The following AVL9 variants were observed in gnomAD, a reference collection of about 807,000 sequenced individuals.
AVL9 encodes the protein late secretory pathway protein AVL9 homolog.
Under a neutral mutation model 79.2 loss-of-function variants are expected in AVL9, and 49 were observed. That is an observed-to-expected ratio of 0.62 (90% CI 0.49 to 0.79). The LOEUF is 0.79. AVL9 is among the 30% of genes least tolerant of loss of function. AVL9 has a pLI of 0.00. For synonymous variants in AVL9, 299 were observed against 280.6 expected, an observed-to-expected ratio of 1.07 and a Z score of -0.65; for missense variants, 682 against 776.8, an observed-to-expected ratio of 0.88 and a Z score of 1.45.
chr7:32,500,266 A>C (rs1388940240), intron 1 of AVL9, among the ~76,000 whole-genome samples: 1 of 152,150 alleles, frequency 6.6e-6, no homozygotes, highest in Non-Finnish European at 1.5e-5. Flanking sequence ...GTTTCCTGAC[A>C]TTTTAATGAT....
intron 8 of AVL9, among the ~76,000 whole-genome samples, chr7:32,557,889 T>G (rs1461910535): frequency 6.7e-6 from 1 of 149,554 alleles, no homozygotes; most frequent in African/African-American, 2.5e-5. Context: ...AGAGTCTTGC[T>G]CTGTCGCCCA....
chr7:32,579,292 GTAT>G (rs1347213267), intron 13 of AVL9, among the ~76,000 whole-genome samples: 1 of 59,844 alleles, frequency 1.7e-5, no homozygotes, highest in Non-Finnish European at 3.0e-5. Context: ...ATATATATAT[GTAT>G]TATATATATT....
At chr7:32,512,047 C>A (rs1787697711) in intron 1 of AVL9, among the ~76,000 whole-genome samples, 1 of 152,066 alleles carries the variant, frequency 6.6e-6, no homozygotes, top group Non-Finnish European at 1.5e-5. Flanking sequence ...GATGGAATGC[C>A]CATTATGAAA....
At chr7:32,573,154 C>A (rs767816890) in intron 11 of AVL9, 45 bp from the exon 12 acceptor site, 3 of 1,509,074 alleles carry the variant, frequency 2.0e-6, no homozygotes, top group Admixed American at 3.4e-5. Flanking sequence ...GCATGGATGT[C>A]TGCGTGAATG....
intron 1 of AVL9, among the ~76,000 whole-genome samples, chr7:32,523,704 A>G (rs538763448): frequency 3.1e-4 from 40 of 127,330 alleles, no homozygotes; most frequent in South Asian, 7.8e-4. Flanking sequence ...ATTATTTTGT[A>G]TTTTCAGTAG....
At chr7:32,568,520 G>A (rs1790685680) in intron 10 of AVL9, among the ~76,000 whole-genome samples, 1 of 152,176 alleles carries the variant, frequency 6.6e-6, no homozygotes, top group East Asian at 1.9e-4. Flanking sequence ...CTTTGGAGAT[G>A]AATATCATCA....
intron 1 of AVL9, chr7:32,532,307 G>A (rs1423069412): frequency 6.6e-6 from 1 of 152,212 alleles, no homozygotes; most frequent in East Asian, 1.9e-4. Flanking sequence ...TATAGGCACA[G>A]GATGGGGGCT....
At chr7:32,522,783 A>G (rs1211238894) in intron 1 of AVL9, among the ~76,000 whole-genome samples, 2 of 152,170 alleles carry the variant, frequency 1.3e-5, no homozygotes, top group African/African-American at 4.8e-5. Flanking sequence ...TATATCTCCC[A>G]GAATTCACAT....
rs1373603576 is a variant in AVL9 at position 32,585,428 on chromosome 7, G to A, written c.*1521G>A. 2 of 152,210 alleles carry A rather than the reference G, an allele frequency of 1.3e-5. No homozygotes were observed. The highest frequency in any genetic ancestry group is 2.4e-5 in the African/African-American group (1 of 41,436). 9.4% of individuals were successfully genotyped at this position (152,210 alleles called of 1,614,324 possible). A position where few individuals can be genotyped will look rare whatever the true frequency, so the allele number is the denominator to read the frequency against. On this transcript the variant is annotated 3_prime_UTR_variant, in exon 16 of 16. Transcript: ENST00000318709. Reference sequence around the variant, plus strand: ...CAGCTGGACCTCGTGTGTTTGCCATGCTCAGCTCTCATTTGCTTTTCAAGG... The same window carrying A: ...CAGCTGGACCTCGTGTGTTTGCCATACTCAGCTCTCATTTGCTTTTCAAGG...
At chr7:32,582,013 A>T (rs1791532908) in intron 15 of AVL9, among the ~76,000 whole-genome samples, 1 of 152,308 alleles carries the variant, frequency 6.6e-6, no homozygotes, top group African/African-American at 2.4e-5. Context: ...AAGTCAGACA[A>T]ATGGTAGCAT....
chr7:32,495,836 T>C, intron 1 of AVL9, 34 bp downstream of exon 1: 1 of 1,244,604 alleles, frequency 8.0e-7, no homozygotes, highest in Non-Finnish European at 1.0e-6. Flanking sequence ...CCCCAGCCGT[T>C]CGGGCGTTCG....
intron 1 of AVL9, among the ~76,000 whole-genome samples, chr7:32,503,349 TAGATATAG>T (rs200060945): frequency 0.36 from 39,196 of 108,242 alleles, 6,858 homozygotes; most frequent in East Asian, 0.5. Flanking sequence ...TATATAGATA[TAGATATAG>T]AGAGATATAT....
intron 3 of AVL9, among the ~76,000 whole-genome samples, 163 bp from the exon 4 acceptor site, chr7:32,548,684 C>T (rs891905854): frequency 6.6e-6 from 1 of 152,120 alleles, no homozygotes; most frequent in Non-Finnish European, 1.5e-5. Flanking sequence ...CCCAAACTGA[C>T]ATTTATTTGT....
Position 32,576,079 on chromosome 7 carries a change from G to A in AVL9, c.1688+7G>A, listed in dbSNP as rs749418955. 2.3e-5 allele frequency: 36 copies of A among 1,590,092 alleles called. No homozygotes were observed. Among genetic ancestry groups the A allele is most frequent in the Admixed American group, 5.0e-5 (3 of 59,892 alleles). On this transcript the variant is annotated splice_region_variant and intron_variant, in intron 13 of 15. Coordinates refer to ENST00000318709, the MANE Select transcript of AVL9 (RefSeq NM_015060.3). ...TTGCAGAAATAAATCCAAAGTAAGC[G>A]CGTCCTCTGAAGATTGATAGTACAT...
intron 13 of AVL9, among the ~76,000 whole-genome samples, chr7:32,578,346 T>G (rs991823167): frequency 2.0e-5 from 3 of 152,176 alleles, no homozygotes; most frequent in Non-Finnish European, 2.9e-5. Flanking sequence ...TTAATGCAGA[T>G]TTTCTCTACA....
At chr7:32,521,022 G>T (rs773552975) in intron 1 of AVL9, among the ~76,000 whole-genome samples, 1 of 151,396 alleles carries the variant, frequency 6.6e-6, no homozygotes, top group Non-Finnish European at 1.5e-5. Flanking sequence ...TTCTCTTCCC[G>T]CCGACATGTA....
In AVL9 at chr7:32,510,278, C is replaced by T. The variant is rs980214831; in HGVS notation, c.93+14476C>T. Among the ~76,000 whole-genome samples, 9 of 151,664 alleles carry T rather than the reference C, an allele frequency of 5.9e-5. No individual in the cohort carries two copies. The South Asian group carries it at 8.3e-4, about 14-fold the overall frequency. On this transcript the variant is annotated intron_variant, in intron 1 of 15. Transcript: ENST00000318709. ...TGAACTGCCCCAGTAGGAGGAAAGCCATCTCTCCAAGGTGAGATTTGTGAG... is the reference window on the plus strand; with the variant it reads ...TGAACTGCCCCAGTAGGAGGAAAGCTATCTCTCCAAGGTGAGATTTGTGAG...
chr7:32,548,956 T>C, intron 4 of AVL9, 38 bp downstream of exon 4: 2 of 1,337,574 alleles, frequency 1.5e-6, no homozygotes, highest in South Asian at 3.1e-5. Context: ...TGTTAAACCT[T>C]CATGGCAGAT....
At chr7:32,499,240 A>G in intron 1 of AVL9, among the ~76,000 whole-genome samples, 1 of 151,940 alleles carries the variant, frequency 6.6e-6, no homozygotes, top group East Asian at 1.9e-4. Context: ...TCTGTAGTAA[A>G]TTGGCTTGTT....
Sources: allele counts gnomAD v4.1 joint callset (sites outside exome capture counted in the v4.1 genomes callset), GRCh38; gene constraint gnomAD v4.1.1; transcripts MANE v1.5; gene names NCBI Gene and HGNC (gene_info 2026-07-23, HGNC 2026-07-21).